Variants in SYNE1 observed in about 807,000 individuals in gnomAD.
SYNE1 encodes the protein spectrin repeat containing nuclear envelope protein 1, also known as nesprin-1.
In SYNE1, 616 loss-of-function variants were observed where a neutral mutation model predicts 1,111.0. The observed-to-expected ratio is 0.55, with a 90% CI of 0.52 to 0.59. SYNE1 has a LOEUF of 0.59. SYNE1 is among the 20% of genes least tolerant of loss of function. The pLI, the probability that SYNE1 is intolerant of heterozygous loss-of-function variation, is 0.00. For synonymous variants in SYNE1, 3,855 were observed against 3,825.8 expected (o/e 1.01, Z -0.28); for missense variants, 10,006 against 10,417.0 (o/e 0.96, Z 1.72).
At chr6:152,320,521 C>T (rs7741183) in intron 84 of SYNE1, among the ~76,000 whole-genome samples, 10,357 of 151,812 alleles carry the variant, frequency 0.068, 592 homozygotes, top group African/African-American at 0.15. Context: ...CAAGAGAGTC[C>T]GAAAAATCTA....
intron 140 of SYNE1, among the ~76,000 whole-genome samples, chr6:152,138,236 C>G (rs1487585511): frequency 6.6e-6 from 1 of 152,070 alleles, no homozygotes; most frequent in East Asian, 1.9e-4. Context: ...ACAGACCAGG[C>G]GCAATGGCTC....
chr6:152,133,621 A>G, intron 142 of SYNE1, 133 bp from the exon 143 acceptor site: 10 of 882,584 alleles, frequency 1.1e-5, no homozygotes, highest in Non-Finnish European at 1.8e-5. Context: ...CTCACACACT[A>G]AAGGATGCAG....
intron 127 of SYNE1, among the ~76,000 whole-genome samples, chr6:152,190,418 C>G (rs2071907814): frequency 6.6e-6 from 1 of 152,096 alleles, no homozygotes; most frequent in Non-Finnish European, 1.5e-5. Context: ...GACCTCCTCC[C>G]ATGAATCATG....
chr6:152,373,126 C>T lies in SYNE1; in HGVS notation c.9418G>A (p.Ala3140Thr). The change falls in exon 59 of 146, where the codon GCG (alanine) becomes ACG (threonine). Residue 3140 changes from alanine (A) to threonine (T), a missense_variant. This residue lies in a region of SYNE1 where 4,955 missense variants were observed against 5,017.2 expected (regional missense o/e 0.99). Coordinates refer to ENST00000367255, the MANE Select transcript of SYNE1 (RefSeq NM_182961.4). The stretch of plus-strand genomic sequence containing the variant: ...GTAACTTTGGCCTGGATCCCTTTCG[C>T]TTTCTCTTTGGTCAGCAGGGTACTC... ...LLSTLLTKEK[A>T]KGIQAKVTAA... 1 of 1,614,114 alleles carries T rather than the reference C, an allele frequency of 6.2e-7. No homozygotes were observed. Among genetic ancestry groups the T allele is most frequent in the Non-Finnish European group, 8.5e-7 (1 of 1,180,022 alleles).
intron 5 of SYNE1, among the ~76,000 whole-genome samples, chr6:152,524,032 C>G (rs531319959): frequency 6.6e-6 from 1 of 152,080 alleles, no homozygotes; most frequent in East Asian, 1.9e-4. Context: ...AATTTGGATG[C>G]CCCTTATTTC....
intron 24 of SYNE1, among the ~76,000 whole-genome samples, chr6:152,454,878 C>T (rs1428588600): frequency 6.6e-6 from 1 of 152,116 alleles, no homozygotes; most frequent in East Asian, 1.9e-4. Flanking sequence ...TCTCAGAGTG[C>T]TGGTTATTTC....
intron 128 of SYNE1, among the ~76,000 whole-genome samples, chr6:152,186,556 C>CAAAAAAAAAAAAAA (rs59187571): frequency 1.8e-4 from 7 of 38,036 alleles, no homozygotes; most frequent in African/African-American, 6.5e-4. Flanking sequence ...AGCTCTGTGT[C>CAAAAAAAAAAAAAA]AAAAAAAAAA....
In SYNE1 at chr6:152,442,139, C is replaced by T. The variant is rs1043288099; in HGVS notation, c.3944G>A (p.Arg1315Gln). 2.5e-6 allele frequency: 4 copies of T among 1,613,900 alleles called. No homozygotes were observed. The highest frequency in any genetic ancestry group is 3.4e-6 in the Non-Finnish European group (4 of 1,179,936). Residue 1315 changes from arginine to glutamine, a missense_variant, in exon 31 of 146, where the codon CGG (arginine) becomes CAG (glutamine). Physicochemically the swap from Arg to Gln is conservative, Grantham distance 43. Transcript: ENST00000367255. Reference sequence around the variant, plus strand: ...GCCATCCAGTGTGCTCTCCAGCTTCCGCAGCTCCTCGTGGCCTCGGTCAGG... The same window carrying T: ...GCCATCCAGTGTGCTCTCCAGCTTCTGCAGCTCCTCGTGGCCTCGGTCAGG... ...GLPDRGHEEL[R>Q]KLESTLDGLE...
intron 126 of SYNE1, 21 bp downstream of exon 126, chr6:152,206,147 T>C: frequency 6.2e-7 from 1 of 1,610,386 alleles, no homozygotes; most frequent in Non-Finnish European, 8.5e-7. Flanking sequence ...TTTTGGTTCG[T>C]TTTTTTCTAA....
Position 152,224,396 on chromosome 6 carries a change from A to G in SYNE1, c.21522+98T>C, listed in dbSNP as rs2080968593. On this transcript the variant is annotated intron_variant, in intron 117 of 145. Transcript: ENST00000367255. ...CTTAAAAAATAATTAAACGTAAACA[A>G]CATATGGCAATATTTCAGGATGATG... is the stretch of plus-strand genomic sequence containing the variant. 7.5e-6 allele frequency: 8 copies of G among 1,071,382 alleles called. No homozygotes were observed. In the East Asian group the frequency reaches 2.0e-4, roughly 26 times the overall value. The allele number at this position is 1,071,382 out of a possible 1,614,324, so 66.4% of individuals were successfully genotyped here.
intron 122 of SYNE1, 37 bp downstream of exon 122, chr6:152,214,869 C>A (rs1314127844): frequency 2.5e-6 from 4 of 1,613,408 alleles, no homozygotes; most frequent in African/African-American, 2.7e-5. Context: ...CAGACTAAGA[C>A]AACTGGAGCA....
intron 6 of SYNE1, chr6:152,511,482 C>T (rs2099084640): frequency 8.2e-7 from 1 of 1,220,832 alleles, no homozygotes; most frequent in Admixed American, 1.7e-5. Flanking sequence ...GATGCACTTA[C>T]TTTGAAGTTT....
intron 130 of SYNE1, among the ~76,000 whole-genome samples, chr6:152,167,018 AT>A (rs1326120157): frequency 6.6e-6 from 1 of 152,200 alleles, no homozygotes; most frequent in East Asian, 1.9e-4. Context: ...TCTGAGCAAC[AT>A]TACTTTTGGT....
intron 36 of SYNE1, 77 bp downstream of exon 36, chr6:152,430,035 T>A: frequency 1.0e-6 from 1 of 993,424 alleles, no homozygotes; most frequent in South Asian, 1.4e-5. Flanking sequence ...TTAAAAAGTT[T>A]ACTGTATTTT....
At chr6:152,493,809 G>C (rs1243987070) in intron 11 of SYNE1, among the ~76,000 whole-genome samples, 3 of 152,054 alleles carry the variant, frequency 2.0e-5, no homozygotes, top group African/African-American at 7.2e-5. Flanking sequence ...TTCCTTCCTA[G>C]GCATAGTTAG....
intron 4 of SYNE1, among the ~76,000 whole-genome samples, chr6:152,532,091 T>C (rs541202567): frequency 1.3e-5 from 2 of 152,362 alleles, no homozygotes; most frequent in Non-Finnish European, 2.9e-5. Flanking sequence ...TTGTTTTACA[T>C]AGTGGCTGCT....
At chr6:152,359,196 T>C (rs1355750723) in intron 65 of SYNE1, 119 bp downstream of exon 65, 3 of 1,411,742 alleles carry the variant, frequency 2.1e-6, no homozygotes, top group Non-Finnish European at 3.0e-6. Flanking sequence ...TAAAAATTCA[T>C]TTTGCTTTTG....
At chr6:152,547,706 T>C (rs2099321080) in intron 3 of SYNE1, among the ~76,000 whole-genome samples, 1 of 152,232 alleles carries the variant, frequency 6.6e-6, no homozygotes, top group African/African-American at 2.4e-5. Flanking sequence ...ATGAGTATTG[T>C]TGAAAACTCA....
intron 99 of SYNE1, among the ~76,000 whole-genome samples, chr6:152,268,518 A>G (rs1407913170): frequency 6.6e-6 from 1 of 152,216 alleles, no homozygotes; most frequent in Non-Finnish European, 1.5e-5. Context: ...TCCTTGGGAA[A>G]AGTGGCTTTT....
Sources: gnomAD v4.1 joint callset for allele counts (sites outside exome capture counted in the v4.1 genomes callset) on GRCh38, gnomAD v4.1.1 for gene constraint, gnomAD v4.1.1 regional missense constraint, MANE v1.5 for transcripts, NCBI Gene and HGNC (gene_info 2026-07-23, HGNC 2026-07-21) for gene names.